LPCAT2: variants seen among roughly 807,000 people sequenced by gnomAD.
LPCAT2 encodes lysophosphatidylcholine acyltransferase 2.
A neutral mutation model predicts 64.7 loss-of-function variants in LPCAT2; 58 were observed. That is an observed-to-expected ratio of 0.90 (90% confidence interval 0.73 to 1.12). LPCAT2 has a LOEUF of 1.12. Ranked by LOEUF, LPCAT2 falls within the 50% of genes most tolerant of loss-of-function variation. The pLI is 0.00. For missense variants in LPCAT2, 579 were observed against 669.8 expected (o/e 0.86, Z 1.50); for synonymous variants, 252 against 245.3 (o/e 1.03, Z -0.26).
At chr16:55,567,515 A>G in intron 11 of LPCAT2, 1 of 1,608,034 alleles carries the variant, frequency 6.2e-7, no homozygotes, top group Non-Finnish European at 8.5e-7. Context: ...GTGGGAACTG[A>G]GAAGTCAAGA....
At chr16:55,541,738 C>A in intron 8 of LPCAT2, 1 of 561,000 alleles carries the variant, frequency 1.8e-6, no homozygotes, top group Non-Finnish European at 2.6e-6. Context: ...GGGATAATGA[C>A]AGAAAATTTA....
chr16:55,510,755 G>A (rs528592677), intron 1 of LPCAT2, among the ~76,000 whole-genome samples: 1 of 152,234 alleles, frequency 6.6e-6, no homozygotes, highest in East Asian at 1.9e-4. Context: ...TATTCTTTTT[G>A]TGTCTTCACA....
At chr16:55,549,955 C>A (rs1963497340) in intron 10 of LPCAT2, among the ~76,000 whole-genome samples, 1 of 152,012 alleles carries the variant, frequency 6.6e-6, no homozygotes, top group Admixed American at 6.6e-5. Context: ...AAAGGTGTAA[C>A]CCTCAACCTC....
At chr16:55,545,657 A>G in intron 8 of LPCAT2, 78 bp from the exon 9 acceptor site, 1 of 876,088 alleles carries the variant, frequency 1.1e-6, no homozygotes, top group South Asian at 1.6e-5. Flanking sequence ...ATATATTGAT[A>G]ATGTATAAAT....
intron 11 of LPCAT2, among the ~76,000 whole-genome samples, chr16:55,571,469 A>G (rs1352864714): frequency 2.0e-5 from 3 of 152,098 alleles, no homozygotes; most frequent in East Asian, 1.9e-4. Flanking sequence ...CCATGAGACC[A>G]TTATCTTTTC....
intron 11 of LPCAT2, among the ~76,000 whole-genome samples, chr16:55,552,265 T>C (rs1392405277): frequency 3.3e-5 from 5 of 152,204 alleles, no homozygotes; most frequent in Non-Finnish European, 7.3e-5. Flanking sequence ...TGGTGTTTTA[T>C]AGATCAATAA....
At chr16:55,513,859 T>C (rs1372831467) in intron 1 of LPCAT2, among the ~76,000 whole-genome samples, 1 of 152,192 alleles carries the variant, frequency 6.6e-6, no homozygotes, top group African/African-American at 2.4e-5. Flanking sequence ...TTGATTTGTC[T>C]TGGTGCTTAC....
chr16:55,577,376 A>G (rs939255748), intron 12 of LPCAT2, among the ~76,000 whole-genome samples: 26 of 152,188 alleles, frequency 1.7e-4, no homozygotes, highest in African/African-American at 6.0e-4. Flanking sequence ...GGTCAGAAGT[A>G]GAAATCTCAA....
At chr16:55,567,104 T>A (rs1963709688) in intron 11 of LPCAT2, 6 of 1,613,850 alleles carry the variant, frequency 3.7e-6, no homozygotes, top group Non-Finnish European at 5.1e-6. Context: ...ATCTTAAGAC[T>A]GACGGTTTTA....
rs997030540 is a variant in LPCAT2 at position 55,586,383 on chromosome 16, T to C, written c.*3285T>C. On this transcript the variant is annotated 3_prime_UTR_variant, in exon 14 of 14. Coordinates refer to ENST00000262134, the MANE Select transcript of LPCAT2 (RefSeq NM_017839.5). ...TATTTTTTATAACGTATTAACCTTA[T>C]TATTTTCTTATTATTTTAAAAGAAT... The C allele has an allele frequency of 3.9e-5, 6 of 152,142 alleles. No homozygotes were observed. Among genetic ancestry groups the C allele is most frequent in the Non-Finnish European group, 8.8e-5 (6 of 68,020 alleles). 9.4% of individuals were successfully genotyped at this position (152,142 alleles called of 1,614,324 possible). A position where few individuals can be genotyped will look rare whatever the true frequency, so the allele number is the denominator to read the frequency against.
chr16:55,574,896 ACAC>A (rs1345964358), intron 12 of LPCAT2, among the ~76,000 whole-genome samples, 167 bp downstream of exon 12: 1 of 152,220 alleles, frequency 6.6e-6, no homozygotes, highest in Non-Finnish European at 1.5e-5. Flanking sequence ...AATAAAGAAA[ACAC>A]AAGCATTTAT....
intron 11 of LPCAT2, among the ~76,000 whole-genome samples, chr16:55,559,055 T>C (rs1963606832): frequency 6.6e-6 from 1 of 152,198 alleles, no homozygotes; most frequent in Non-Finnish European, 1.5e-5. Context: ...ATCATTCATC[T>C]TCACAGATGA....
intron 1 of LPCAT2, among the ~76,000 whole-genome samples, chr16:55,524,508 A>G (rs1963141280): frequency 6.6e-6 from 1 of 151,964 alleles, no homozygotes. Flanking sequence ...ATCAAAGCTC[A>G]TTGAATTGTA....
Position 55,509,287 on chromosome 16 carries a change from T to G in LPCAT2, c.106T>G (p.Phe36Val). The G allele has an allele frequency of 6.6e-7, 1 of 1,512,906 alleles. No homozygotes were observed. The highest frequency in any genetic ancestry group is 8.9e-7 in the Non-Finnish European group (1 of 1,123,092). 93.7% of individuals were successfully genotyped at this position (1,512,906 alleles called of 1,614,324 possible). The change falls in exon 1 of 14, where the codon TTC becomes GTC. Residue 36 changes from phenylalanine to valine, a missense_variant. Physicochemically the swap from Phe to Val is conservative, Grantham distance 50. Coordinates refer to ENST00000262134, the MANE Select transcript of LPCAT2 (RefSeq NM_017839.5). ...CATGGTGCCCCGTCAGGCGTCCTTC[T>G]TCCCGCCGCCGGTGCCGAACCCCTT... ...PPMVPRQASF[F>V]PPPVPNPFVQ...
At chr16:55,561,382 T>TTTG (rs1963634489) in intron 11 of LPCAT2, among the ~76,000 whole-genome samples, 1 of 151,170 alleles carries the variant, frequency 6.6e-6, no homozygotes, top group East Asian at 1.9e-4. Context: ...TTTTTTTTTT[T>TTTG]TTTGCAGATA....
chr16:55,525,791 A>G (rs1963162958), intron 2 of LPCAT2, 144 bp downstream of exon 2: 2 of 463,376 alleles, frequency 4.3e-6, no homozygotes, highest in African/African-American at 4.0e-5. Context: ...TCAATAATAA[A>G]TTTTACAGTT....
chr16:55,521,244 G>A (rs911502182), intron 1 of LPCAT2, among the ~76,000 whole-genome samples: 7 of 151,612 alleles, frequency 4.6e-5, no homozygotes, highest in Admixed American at 4.6e-4. Context: ...TACATGAAAT[G>A]GACAAAAATC....
chr16:55,563,111 C>T (rs1205305097), intron 11 of LPCAT2, among the ~76,000 whole-genome samples: 1 of 151,742 alleles, frequency 6.6e-6, no homozygotes, highest in African/African-American at 2.4e-5. Context: ...CAACTGTATG[C>T]CAACAGATTG....
intron 8 of LPCAT2, among the ~76,000 whole-genome samples, chr16:55,538,040 G>A (rs1459776531): frequency 6.6e-6 from 1 of 152,198 alleles, no homozygotes; most frequent in Admixed American, 6.5e-5. Flanking sequence ...GAGGTCAGAA[G>A]CCTTCACTGT....
Sources: gnomAD v4.1 joint callset for allele counts (sites outside exome capture counted in the v4.1 genomes callset) on GRCh38, gnomAD v4.1.1 for gene constraint, MANE v1.5 for transcripts, NCBI Gene and HGNC (gene_info 2026-07-23, HGNC 2026-07-21) for gene names.